The following NCOA1 variants were observed in gnomAD, a reference collection of about 807,000 sequenced individuals.
NCOA1 encodes the protein nuclear receptor coactivator 1.
A neutral mutation model predicts 150.9 loss-of-function variants in NCOA1; 35 were observed. That is an observed-to-expected ratio of 0.23 (90% CI 0.18 to 0.31). The LOEUF (loss-of-function observed/expected upper bound fraction) is 0.31. Among genes scored for constraint, NCOA1 ranks in the 10% least tolerant of loss-of-function variants. NCOA1 has a pLI of 1.00. For synonymous variants in NCOA1, 590 were observed against 630.0 expected (o/e 0.94, Z 0.95); for missense variants, 1,491 against 1,749.3 (o/e 0.85, Z 2.63).
chr2:24,742,294 A>G (rs1279405539), intron 19 of NCOA1, 108 bp downstream of exon 19: 3 of 1,337,192 alleles, frequency 2.2e-6, no homozygotes, highest in African/African-American at 2.9e-5. Flanking sequence ...GGAAGAGGAA[A>G]GACACTGACG....
chr2:24,725,402 G>A (rs1026418519), intron 14 of NCOA1, among the ~76,000 whole-genome samples: 1 of 152,016 alleles, frequency 6.6e-6, no homozygotes, highest in Non-Finnish European at 1.5e-5. Context: ...TTCTCTCTGG[G>A]TCAGGTTATC....
chr2:24,543,607 G>A (rs75697605), intron 1 of NCOA1, among the ~76,000 whole-genome samples: 28,530 of 151,890 alleles, frequency 0.19, 2,881 homozygotes, highest in Non-Finnish European at 0.23. Context: ...GAATGTGAGC[G>A]TAGAACAGGA....
Position 24,728,299 on chromosome 2 carries a change from A to T in NCOA1, c.2718-9A>T. The T allele has an allele frequency of 6.3e-7, 1 of 1,595,436 alleles. No individual in the cohort carries two copies. Among genetic ancestry groups the T allele is most frequent in the Non-Finnish European group, 8.5e-7 (1 of 1,172,686 alleles). On this transcript the variant is annotated splice_polypyrimidine_tract_variant and intron_variant, in intron 15 of 22. Coordinates refer to ENST00000348332, the MANE Select transcript of NCOA1 (RefSeq NM_003743.5). ...CAGTCTGAAACTTTCTTGTTTTTTA[A>T]TCCTGCAGCCAGTGTATTAGCTCAC...
rs188802405 is a variant in NCOA1 at position 24,698,343 on chromosome 2, C to G, written c.949+545C>G. Among the ~76,000 whole-genome samples the G allele has an allele frequency of 7.1e-4, 108 of 152,118 alleles. 1 individual carries two copies. The East Asian group carries it at 0.016, about 23-fold the overall frequency. Reference sequence around the variant, plus strand: ...AAGGCCTTCTAGATAATACAGAGATCAGTATCATGCCTGTTTACTTCATGA... The same window carrying G: ...AAGGCCTTCTAGATAATACAGAGATGAGTATCATGCCTGTTTACTTCATGA... On this transcript the variant is annotated intron_variant, in intron 11 of 22. Coordinates refer to ENST00000348332, the MANE Select transcript of NCOA1 (RefSeq NM_003743.5).
chr2:24,577,284 G>C (rs748902792), intron 2 of NCOA1, among the ~76,000 whole-genome samples: 38 of 152,234 alleles, frequency 2.5e-4, no homozygotes, highest in Middle Eastern at 3.4e-3. Flanking sequence ...CACACACAAA[G>C]TGCATTTTCT....
intron 3 of NCOA1, among the ~76,000 whole-genome samples, chr2:24,599,004 A>G (rs777558251): frequency 6.6e-6 from 1 of 152,244 alleles, no homozygotes; most frequent in Non-Finnish European, 1.5e-5. Flanking sequence ...ATTTATAAAT[A>G]GAAACAAAAT....
chr2:24,533,282 T>A (rs899268721), intron 1 of NCOA1, among the ~76,000 whole-genome samples: 1 of 152,162 alleles, frequency 6.6e-6, no homozygotes, highest in Admixed American at 6.5e-5. Context: ...TGCTCATGAT[T>A]TTTGCACATT....
chr2:24,716,164 A>C (rs898191151), intron 14 of NCOA1, among the ~76,000 whole-genome samples: 3 of 143,850 alleles, frequency 2.1e-5, no homozygotes, highest in African/African-American at 7.5e-5. Flanking sequence ...AAAAAAAAAA[A>C]TCTGAGCAGG....
chr2:24,687,002 C>T (rs1240461641), intron 8 of NCOA1, among the ~76,000 whole-genome samples: 2 of 151,988 alleles, frequency 1.3e-5, no homozygotes, highest in African/African-American at 4.8e-5. Flanking sequence ...CATAACAGGT[C>T]ATGAAATTAA....
Position 24,702,071 on chromosome 2 carries a change from G to A in NCOA1, c.950-3015G>A, listed in dbSNP as rs1673190798. 2.6e-5 allele frequency among the ~76,000 whole-genome samples: 4 copies of A among 152,170 alleles called. No homozygotes were observed. In the South Asian group the frequency reaches 8.3e-4, roughly 31 times the overall value. On this transcript the variant is annotated intron_variant, in intron 11 of 22. Transcript: ENST00000348332. ...GAAAGGGTTTATGGTATTAAGTTTG[G>A]AAGCATTGCTATAAAACATAAAGTA...
At chr2:24,556,816 G>A (rs1200212074) in intron 1 of NCOA1, among the ~76,000 whole-genome samples, 1 of 152,114 alleles carries the variant, frequency 6.6e-6, no homozygotes, top group Non-Finnish European at 1.5e-5. Context: ...GGAAGACAGT[G>A]TGGCGATTCC....
rs199594848 is a variant in NCOA1 at position 24,557,012 on chromosome 2, TG to T, written c.-395-7275del. On this transcript the variant is annotated intron_variant, in intron 1 of 22. Coordinates refer to ENST00000348332, the MANE Select transcript of NCOA1 (RefSeq NM_003743.5). The stretch of plus-strand genomic sequence containing the variant: ...AGATAATTCATTGTTGTTGTTGGGT[TG>T]GGGGGGGTGGCTATCCTGTATGTAT... Among the ~76,000 whole-genome samples, 6 of 149,630 alleles carry T rather than the reference TG, an allele frequency of 4.0e-5. No individual in the cohort carries two copies. In the East Asian group the frequency reaches 5.8e-4, roughly 15 times the overall value.
At chr2:24,573,763 C>A (rs1195573475) in intron 2 of NCOA1, among the ~76,000 whole-genome samples, 1 of 152,008 alleles carries the variant, frequency 6.6e-6, no homozygotes, top group African/African-American at 2.4e-5. Flanking sequence ...ACAACTTTAA[C>A]CATTTGGACA....
At chr2:24,508,265 G>A (rs913268608) in intron 1 of NCOA1, among the ~76,000 whole-genome samples, 2 of 151,982 alleles carry the variant, frequency 1.3e-5, no homozygotes, top group Non-Finnish European at 2.9e-5. Context: ...GTGGATTTGG[G>A]AAGGAAAAGG....
At chr2:24,551,715 C>T (rs898807311) in intron 1 of NCOA1, among the ~76,000 whole-genome samples, 1 of 152,104 alleles carries the variant, frequency 6.6e-6, no homozygotes, top group Non-Finnish European at 1.5e-5. Flanking sequence ...TTTACCAACC[C>T]CTGGGCTAAC....
At chr2:24,642,203 A>G (rs1228850770) in intron 3 of NCOA1, among the ~76,000 whole-genome samples, 2 of 151,826 alleles carry the variant, frequency 1.3e-5, no homozygotes, top group Non-Finnish European at 2.9e-5. Context: ...AAGTCTGGCC[A>G]GTGAATCTTA....
chr2:24,739,264 T>C lies in NCOA1; in HGVS notation c.3202-168T>C, dbSNP rs140702337. Among the ~76,000 whole-genome samples, 460 of 152,298 alleles carry C rather than the reference T, an allele frequency of 3.0e-3. 2 individuals carry two copies. Among genetic ancestry groups the C allele is most frequent in the African/African-American group, 0.011 (442 of 41,586 alleles). ...TGTTTTGGAGGCAATAAGTGTTTTA[T>C]AAACATTGGGAACTACTAGCCTTTT... On this transcript the variant is annotated intron_variant, in intron 17 of 22. Transcript: ENST00000348332.
intron 9 of NCOA1, among the ~76,000 whole-genome samples, chr2:24,692,175 G>A (rs1352145652): frequency 1.3e-5 from 2 of 152,160 alleles, no homozygotes; most frequent in African/African-American, 4.8e-5. Context: ...ATGTGACAGT[G>A]GATGAGTTTT....
intron 1 of NCOA1, among the ~76,000 whole-genome samples, chr2:24,540,748 C>T (rs571139713): frequency 4.6e-5 from 7 of 152,266 alleles, no homozygotes; most frequent in South Asian, 2.1e-4. Flanking sequence ...TGTGAGCCAC[C>T]GCACCTGGCC....
Sources: gnomAD v4.1 joint callset for allele counts (sites outside exome capture counted in the v4.1 genomes callset) on GRCh38, gnomAD v4.1.1 for gene constraint, MANE v1.5 for transcripts, NCBI Gene and HGNC (gene_info 2026-07-23, HGNC 2026-07-21) for gene names.